Variants in STAG1 observed in about 807,000 individuals in gnomAD.
The protein encoded by STAG1 is STAG1 cohesin complex component, also known as cohesin subunit SA-1.
In STAG1, 26 loss-of-function variants were observed where a neutral mutation model predicts 170.9. That is an observed-to-expected ratio of 0.15 (90% confidence interval 0.11 to 0.21). STAG1 has a LOEUF of 0.21. Among genes scored for constraint, STAG1 ranks in the 10% least tolerant of loss-of-function variants. The probability of loss-of-function intolerance (pLI) is 1.00; values close to 1 mark genes in which losing one functional copy is unlikely to be tolerated. For missense variants in STAG1, 964 were observed against 1,509.5 expected, an observed-to-expected ratio of 0.64 and a Z score of 5.99; for synonymous variants, 514 against 497.7, an observed-to-expected ratio of 1.03 and a Z score of -0.44.
intron 1 of STAG1, among the ~76,000 whole-genome samples, chr3:136,675,361 A>G (rs753139631): frequency 7.9e-5 from 12 of 152,214 alleles, no homozygotes; most frequent in Non-Finnish European, 1.6e-4. Context: ...GCCAAAAATT[A>G]ATCATAGAGA....
At chr3:136,509,186 CTAGA>C (rs1324382380) in intron 7 of STAG1, among the ~76,000 whole-genome samples, 1 of 152,156 alleles carries the variant, frequency 6.6e-6, no homozygotes. Flanking sequence ...ATAACTGCAG[CTAGA>C]TAGGTAGGTA....
intron 1 of STAG1, among the ~76,000 whole-genome samples, chr3:136,656,532 T>C (rs1457806214): frequency 6.6e-6 from 1 of 152,008 alleles, no homozygotes; most frequent in Non-Finnish European, 1.5e-5. Context: ...GCCAATCCAC[T>C]TTATGTTTGA....
chr3:136,564,127 C>T (rs1457940119), intron 5 of STAG1, among the ~76,000 whole-genome samples: 1 of 152,122 alleles, frequency 6.6e-6, no homozygotes, highest in African/African-American at 2.4e-5. Context: ...ATAGTTCATT[C>T]AATCACTGTC....
intron 21 of STAG1, among the ~76,000 whole-genome samples, chr3:136,404,882 TGTG>T (rs1183609568): frequency 6.6e-6 from 1 of 152,084 alleles, no homozygotes; most frequent in Admixed American, 6.6e-5. Flanking sequence ...TGTGTGTGTG[TGTG>T]TGTGTGTATA....
intron 1 of STAG1, among the ~76,000 whole-genome samples, chr3:136,674,638 C>T (rs1454016006): frequency 6.6e-6 from 1 of 152,166 alleles, no homozygotes; most frequent in African/African-American, 2.4e-5. Context: ...GACACATTAT[C>T]AGTATACTAA....
chr3:136,563,985 C>A (rs543443778), intron 5 of STAG1, among the ~76,000 whole-genome samples: 1 of 149,440 alleles, frequency 6.7e-6, no homozygotes, highest in Non-Finnish European at 1.5e-5. Context: ...ATCGCACCAC[C>A]GCACTCCAGC....
rs559789840 is a variant in STAG1 at position 136,533,256 on chromosome 3, G to A, written c.471+8863C>T. Among the ~76,000 whole-genome samples the A allele has an allele frequency of 4.3e-4, 66 of 152,064 alleles. 1 individual carries two copies. In the South Asian group the frequency reaches 0.013, roughly 31 times the overall value. Reference sequence around the variant, plus strand: ...AAGACTGATGAAAGAAACTGAAGAGGACACAAACGAATGGAAAGACAACTC... The same window carrying A: ...AAGACTGATGAAAGAAACTGAAGAGAACACAAACGAATGGAAAGACAACTC... On this transcript the variant is annotated intron_variant, in intron 6 of 33. Transcript: ENST00000383202.
intron 25 of STAG1, among the ~76,000 whole-genome samples, chr3:136,365,907 GC>G (rs1328803428): frequency 1.3e-5 from 2 of 151,432 alleles, no homozygotes; most frequent in Non-Finnish European, 2.9e-5. Context: ...GCATATTTAT[GC>G]TGCTGTCTTG....
Position 136,338,390 on chromosome 3 carries a change from C to G in STAG1, c.3733G>C (p.Ala1245Pro). The G allele has an allele frequency of 6.2e-7, 1 of 1,613,494 alleles. No homozygotes were observed. The highest frequency in any genetic ancestry group is 8.5e-7 in the Non-Finnish European group (1 of 1,179,464). ...TTTACTGAATCATCTTCTATGATAG[C>G]TGCAGAGTCAAAGAAGTCTGGCCTT... ...ELRPDFFDSA[A>P]IIEDDSGFGM... is the part of the protein sequence containing the mutation. Residue 1245 changes from alanine (A) to proline (P), a missense_variant, in exon 33 of 34, where the codon GCT becomes CCT. Ala to Pro is a conservative substitution (Grantham distance 27). Around this residue, in one of 11 missense-constraint regions of STAG1, gnomAD observed 59 missense variants for 104.2 expected, o/e 0.57. Transcript: ENST00000383202.
chr3:136,361,951 G>A (rs1451326835), intron 26 of STAG1, among the ~76,000 whole-genome samples: 1 of 151,086 alleles, frequency 6.6e-6, no homozygotes, highest in African/African-American at 2.4e-5. Context: ...TATAATTAAT[G>A]CTTCTTTTCT....
At chr3:136,562,789 C>T (rs1028167811) in intron 5 of STAG1, among the ~76,000 whole-genome samples, 1 of 152,078 alleles carries the variant, frequency 6.6e-6, no homozygotes, top group African/African-American at 2.4e-5. Flanking sequence ...GGTTTCACTA[C>T]ACTGGCCAGG....
At chr3:136,661,117 C>G (rs1941564168) in intron 1 of STAG1, among the ~76,000 whole-genome samples, 1 of 152,130 alleles carries the variant, frequency 6.6e-6, no homozygotes, top group African/African-American at 2.4e-5. Context: ...ATAGCAATGC[C>G]TAGGTATGGC....
intron 6 of STAG1, among the ~76,000 whole-genome samples, chr3:136,540,826 A>C (rs1216488225): frequency 1.1e-5 from 1 of 93,056 alleles, no homozygotes; most frequent in African/African-American, 1.2e-4. Context: ...TGTCTCCAAA[A>C]AAAAAAAAAA....
intron 5 of STAG1, among the ~76,000 whole-genome samples, chr3:136,566,894 A>G (rs1157373033): frequency 6.6e-6 from 1 of 152,228 alleles, no homozygotes; most frequent in African/African-American, 2.4e-5. Flanking sequence ...ACACAAAGGA[A>G]TGCAATGAGC....
rs1390638472 is a variant in STAG1 at position 136,531,906 on chromosome 3, A to AT, written c.471+10212dup. 1.2e-4 allele frequency among the ~76,000 whole-genome samples: 16 copies of AT among 134,042 alleles called. No individual in the cohort carries two copies. In the South Asian group the frequency reaches 2.3e-3, roughly 19 times the overall value. The allele number at this position is 134,042 out of a possible 152,430, so 87.9% of individuals were successfully genotyped here. A position where few individuals can be genotyped will look rare whatever the true frequency, so the allele number is the denominator to read the frequency against. ...GCACATGTACCCTAAAACTTAAAGT[A>AT]TAAAAAAAAAAAAAAAAAGAGTAGT... is the stretch of plus-strand genomic sequence containing the variant. On this transcript the variant is annotated intron_variant, in intron 6 of 33. Coordinates refer to ENST00000383202, the MANE Select transcript of STAG1 (RefSeq NM_005862.3).
chr3:136,682,317 C>T (rs1304483032), intron 1 of STAG1, among the ~76,000 whole-genome samples: 1 of 151,390 alleles, frequency 6.6e-6, no homozygotes, highest in African/African-American at 2.4e-5. Context: ...CCCAGCTACT[C>T]CGAAGGCTGA....
At chr3:136,584,511 T>C (rs577429941) in intron 4 of STAG1, among the ~76,000 whole-genome samples, 2 of 152,242 alleles carry the variant, frequency 1.3e-5, no homozygotes, top group Non-Finnish European at 2.9e-5. Flanking sequence ...CACCTTGTGA[T>C]AGATCAGCCT....
rs200094477 is a variant in STAG1 at position 136,548,572 on chromosome 3, G to A, written c.395-6377C>T. On this transcript the variant is annotated intron_variant, in intron 5 of 33. Transcript: ENST00000383202. ...TTCTATTTCTGCAAAAAATCCCATTGGAATTTTGATAGAAATTTCACTGAA... is the reference window on the plus strand; with the variant it reads ...TTCTATTTCTGCAAAAAATCCCATTAGAATTTTGATAGAAATTTCACTGAA... Among the ~76,000 whole-genome samples the A allele has an allele frequency of 3.0e-4, 45 of 152,244 alleles. No individual in the cohort carries two copies. In the South Asian group the frequency reaches 5.2e-3, roughly 18 times the overall value.
intron 6 of STAG1, among the ~76,000 whole-genome samples, chr3:136,531,894 A>T: frequency 6.8e-6 from 1 of 147,222 alleles, no homozygotes; most frequent in East Asian, 1.9e-4. Flanking sequence ...CATGTACCCT[A>T]AAACTTAAAG....
Sources: allele counts gnomAD v4.1 joint callset (sites outside exome capture counted in the v4.1 genomes callset), GRCh38; gene constraint gnomAD v4.1.1; regional missense constraint gnomAD v4.1.1; transcripts MANE v1.5; gene names NCBI Gene and HGNC (gene_info 2026-07-23, HGNC 2026-07-21).